GCNT2: variants seen among roughly 807,000 people sequenced by gnomAD.
GCNT2 encodes the protein N-acetyllactosaminide beta-1,6-N-acetylglucosaminyl-transferase.
GCNT2 carries 34 observed loss-of-function variants against 34.2 expected under a neutral mutation model. The ratio of observed to expected loss-of-function variants is 1.00; its 90% CI spans 0.76 to 1.32. The LOEUF (loss-of-function observed/expected upper bound fraction) is 1.32. Ranked by LOEUF, GCNT2 falls within the 40% of genes most tolerant of loss-of-function variation. GCNT2 has a pLI of 0.00. For synonymous variants in GCNT2, 212 were observed against 188.0 expected, an observed-to-expected ratio of 1.13 and a Z score of -1.04; for missense variants, 584 against 489.4, an observed-to-expected ratio of 1.19 and a Z score of -1.82.
intron 3 of GCNT2, among the ~76,000 whole-genome samples, chr6:10,542,614 T>G (rs1169317218): frequency 2.0e-5 from 3 of 152,254 alleles, no homozygotes. Context: ...ATGTGTTCTT[T>G]CATGCGTAGC....
chr6:10,617,772 T>TTTTTGA (rs1491521376), intron 3 of GCNT2, among the ~76,000 whole-genome samples: 2 of 91,424 alleles, frequency 2.2e-5, no homozygotes, highest in African/African-American at 3.2e-5. Context: ...TTTTTTTTTT[T>TTTTTGA]GACACAGGGT....
rs139336634 is a variant in GCNT2, at chr6:10,542,318, C to T, written c.925+12482C>T. Among the ~76,000 whole-genome samples, 445 of 152,248 alleles carry T rather than the reference C, an allele frequency of 2.9e-3. 2 individuals carry two copies. The highest frequency in any genetic ancestry group is 0.01 in the African/African-American group (421 of 41,542). Reference sequence around the variant, plus strand: ...CACTGCTACGCACTAAACTAATTGCCTTTCCCCCTCTTAAAGGTAACAGGT... The same window carrying T: ...CACTGCTACGCACTAAACTAATTGCTTTTCCCCCTCTTAAAGGTAACAGGT... On this transcript the variant is annotated intron_variant, in intron 3 of 4. Coordinates refer to ENST00000495262, the MANE Select transcript of GCNT2 (RefSeq NM_145649.5).
chr6:10,586,427 CT>C (rs761717198), intron 3 of GCNT2: 1 of 1,614,190 alleles, frequency 6.2e-7, no homozygotes, highest in Admixed American at 1.7e-5. Flanking sequence ...TACTGAGTTG[CT>C]TCCAAAATGC....
intron 3 of GCNT2, among the ~76,000 whole-genome samples, chr6:10,555,534 T>A (rs1365073639): frequency 1.3e-5 from 2 of 152,172 alleles, no homozygotes; most frequent in Non-Finnish European, 2.9e-5. Flanking sequence ...TTATTTCCCA[T>A]GAAGCTCTAA....
At chr6:10,540,583 C>G (rs920574416) in intron 3 of GCNT2, among the ~76,000 whole-genome samples, 5 of 152,112 alleles carry the variant, frequency 3.3e-5, no homozygotes, top group African/African-American at 1.2e-4. Context: ...TGTGAGCAGG[C>G]AACCTAATGA....
chr6:10,596,382 G>A (rs981613908), intron 3 of GCNT2, among the ~76,000 whole-genome samples: 10 of 152,088 alleles, frequency 6.6e-5, no homozygotes, highest in Non-Finnish European at 1.2e-4. Flanking sequence ...GTAGCCAGGC[G>A]TGGTGGTGCA....
chr6:10,589,829 G>C (rs938587342), intron 3 of GCNT2, among the ~76,000 whole-genome samples: 1 of 152,086 alleles, frequency 6.6e-6, no homozygotes, highest in Non-Finnish European at 1.5e-5. Flanking sequence ...AAGGAAAAAT[G>C]GTCCTTATTT....
At chr6:10,613,959 G>T (rs1436791411) in intron 3 of GCNT2, among the ~76,000 whole-genome samples, 1 of 152,136 alleles carries the variant, frequency 6.6e-6, no homozygotes, top group East Asian at 1.9e-4. Flanking sequence ...CTGGCAGCAG[G>T]CAGGAAACAG....
intron 3 of GCNT2, among the ~76,000 whole-genome samples, chr6:10,571,657 A>C (rs1192235769): frequency 6.6e-6 from 1 of 152,282 alleles, no homozygotes; most frequent in East Asian, 1.9e-4. Context: ...CAAGCCCTAT[A>C]GTAGAAATTA....
chr6:10,553,984 G>A (rs1762587888), intron 3 of GCNT2, among the ~76,000 whole-genome samples: 1 of 152,200 alleles, frequency 6.6e-6, no homozygotes, highest in African/African-American at 2.4e-5. Flanking sequence ...ATGGCCCCAG[G>A]GGAGTGTTAA....
intron 3 of GCNT2, among the ~76,000 whole-genome samples, chr6:10,582,246 T>A (rs1409160479): frequency 8.3e-6 from 1 of 120,526 alleles, no homozygotes; most frequent in Non-Finnish European, 1.6e-5. Flanking sequence ...ATATATAAAA[T>A]ATATATAATA....
In GCNT2 at chr6:10,534,663, G is replaced by C. The variant is rs192347660; in HGVS notation, c.925+4827G>C. On this transcript the variant is annotated intron_variant, in intron 3 of 4. Transcript: ENST00000495262. ...TGGCAGGGTCATGTGGTTTAAAAAA[G>C]CAAAGCTTGGGTAACACAGATACCT... is the stretch of plus-strand genomic sequence containing the variant. Among the ~76,000 whole-genome samples, 2 of 152,132 alleles carry C rather than the reference G, an allele frequency of 1.3e-5. 1 individual carries two copies. The highest frequency in any genetic ancestry group is 1.3e-4 in the Admixed American group (2 of 15,274).
chr6:10,604,514 T>G (rs1765224904), intron 3 of GCNT2, among the ~76,000 whole-genome samples: 1 of 152,166 alleles, frequency 6.6e-6, no homozygotes, highest in Non-Finnish European at 1.5e-5. Flanking sequence ...ATAAACTCTC[T>G]CCTTACTGAG....
intron 3 of GCNT2, among the ~76,000 whole-genome samples, chr6:10,542,251 T>A (rs1251599729): frequency 6.6e-6 from 1 of 152,204 alleles, no homozygotes; most frequent in Non-Finnish European, 1.5e-5. Context: ...CATAAAGATT[T>A]TCTAGAAGGC....
intron 1 of GCNT2, among the ~76,000 whole-genome samples, chr6:10,524,354 C>T (rs59638168): frequency 9.3e-5 from 14 of 151,182 alleles, no homozygotes; most frequent in Non-Finnish European, 1.6e-4. Context: ...GGGGTTCAAG[C>T]GATTCTCCTG....
At chr6:10,568,251 G>A (rs768735710) in intron 3 of GCNT2, among the ~76,000 whole-genome samples, 2 of 151,854 alleles carry the variant, frequency 1.3e-5, no homozygotes, top group Non-Finnish European at 2.9e-5. Flanking sequence ...GCTTCCACGA[G>A]TGCCTGCTGA....
intron 3 of GCNT2, chr6:10,586,007 C>T (rs768000347): frequency 1.9e-6 from 3 of 1,613,978 alleles, no homozygotes; most frequent in African/African-American, 1.3e-5. Context: ...TTTGGAGGTA[C>T]TGCTTTTTTG....
chr6:10,605,291 C>T (rs894243134), intron 3 of GCNT2, among the ~76,000 whole-genome samples: 1 of 143,518 alleles, frequency 7.0e-6, no homozygotes, highest in Non-Finnish European at 1.5e-5. Flanking sequence ...TCTTGGCTCA[C>T]TGCAACCTCT....
chr6:10,533,884 C>T (rs985484184), intron 3 of GCNT2, among the ~76,000 whole-genome samples: 3 of 150,554 alleles, frequency 2.0e-5, no homozygotes, highest in East Asian at 2.0e-4. Context: ...CCTGTGGCTG[C>T]GACCACAGGC....
Sources: gnomAD v4.1 joint callset for allele counts (sites outside exome capture counted in the v4.1 genomes callset) on GRCh38, gnomAD v4.1.1 for gene constraint, MANE v1.5 for transcripts, NCBI Gene and HGNC (gene_info 2026-07-23, HGNC 2026-07-21) for gene names.